RARB: variants seen among roughly 807,000 people sequenced by gnomAD.
The protein encoded by RARB is HBV-activated protein.
In RARB, 17 loss-of-function variants were observed where a neutral mutation model predicts 51.9. That is an observed-to-expected ratio of 0.33 (90% CI 0.22 to 0.49). The LOEUF (loss-of-function observed/expected upper bound fraction) is 0.49, where lower values mean the gene tolerates loss of function less well. Among genes scored for constraint, RARB ranks in the 20% least tolerant of loss-of-function variants. RARB has a pLI of 0.99. For missense variants in RARB, 369 were observed against 550.8 expected, an observed-to-expected ratio of 0.67 and a Z score of 3.30; for synonymous variants, 215 against 195.4, an observed-to-expected ratio of 1.10 and a Z score of -0.84.
At chr3:25,410,460 A>G (rs1291966224) in intron 5 of RARB, among the ~76,000 whole-genome samples, 1 of 152,216 alleles carries the variant, frequency 6.6e-6, no homozygotes, top group African/African-American at 2.4e-5. Flanking sequence ...TTTATGAAGA[A>G]TTATTTCATT....
At chr3:25,037,980 T>C (rs1698032648) in intron 2 of RARB, among the ~76,000 whole-genome samples, 1 of 152,206 alleles carries the variant, frequency 6.6e-6, no homozygotes, top group African/African-American at 2.4e-5. Flanking sequence ...CTAGCCATGA[T>C]AAGTAACAAC....
intron 2 of RARB, among the ~76,000 whole-genome samples, chr3:25,057,015 T>A (rs1698454943): frequency 6.6e-6 from 1 of 152,084 alleles, no homozygotes; most frequent in Non-Finnish European, 1.5e-5. Context: ...ATGGTGGCAC[T>A]CCCCAGTATG....
intron 2 of RARB, among the ~76,000 whole-genome samples, chr3:24,940,042 G>A (rs7614721): frequency 0.48 from 72,884 of 151,942 alleles, 18,204 homozygotes; most frequent in East Asian, 0.7. Flanking sequence ...TATGTAAATG[G>A]GCTCTGGGGA....
intron 5 of RARB, among the ~76,000 whole-genome samples, chr3:25,372,687 A>G (rs1373494903): frequency 2.0e-5 from 3 of 152,124 alleles, no homozygotes; most frequent in South Asian, 4.1e-4. Context: ...TTAGTCAGGC[A>G]TGGTGGCGCA....
At chr3:25,437,563 C>T (rs182759285) in intron 1 of RARB, among the ~76,000 whole-genome samples, 3 of 152,150 alleles carry the variant, frequency 2.0e-5, no homozygotes, top group Non-Finnish European at 2.9e-5. Flanking sequence ...TCACATAACC[C>T]CCTTATAACA....
intron 2 of RARB, among the ~76,000 whole-genome samples, chr3:24,898,678 T>G (rs537958729): frequency 2.1e-3 from 317 of 152,328 alleles, no homozygotes; most frequent in Non-Finnish European, 3.6e-3. Context: ...TTTCTTATTC[T>G]AATCAGCTCT....
At chr3:24,932,377 C>A (rs1463749784) in intron 2 of RARB, among the ~76,000 whole-genome samples, 1 of 152,104 alleles carries the variant, frequency 6.6e-6, no homozygotes, top group African/African-American at 2.4e-5. Context: ...GTCCCTTAGA[C>A]TTAGATGTTT....
At chr3:25,375,328 T>C (rs1237051115) in intron 5 of RARB, among the ~76,000 whole-genome samples, 1 of 152,206 alleles carries the variant, frequency 6.6e-6, no homozygotes, top group African/African-American at 2.4e-5. Flanking sequence ...ATCTGTTTTA[T>C]ATCTTGAGGA....
chr3:25,297,650 C>T (rs192789954), intron 5 of RARB, among the ~76,000 whole-genome samples: 1 of 151,950 alleles, frequency 6.6e-6, no homozygotes, highest in Non-Finnish European at 1.5e-5. Context: ...CCTTTATCAG[C>T]GTAATTATAG....
chr3:25,444,155 A>G (rs1338877050), intron 1 of RARB, among the ~76,000 whole-genome samples: 2 of 152,192 alleles, frequency 1.3e-5, no homozygotes, highest in Non-Finnish European at 2.9e-5. Context: ...CCTGAAGAGA[A>G]AGGCCCTGTT....
At chr3:25,008,008 T>C (rs1313435035) in intron 2 of RARB, among the ~76,000 whole-genome samples, 1 of 152,272 alleles carries the variant, frequency 6.6e-6, no homozygotes, top group East Asian at 1.9e-4. Context: ...AAAAGGTATG[T>C]GTAAGGTCTT....
At chr3:25,045,071 T>C (rs1415175091) in intron 2 of RARB, among the ~76,000 whole-genome samples, 1 of 152,220 alleles carries the variant, frequency 6.6e-6, no homozygotes, top group East Asian at 1.9e-4. Flanking sequence ...TTAGTTTGGT[T>C]ATTTCAGTGG....
intron 5 of RARB, among the ~76,000 whole-genome samples, chr3:25,264,110 GA>G (rs5847346): frequency 0.73 from 103,538 of 142,792 alleles, 35,708 homozygotes; most frequent in East Asian, 0.79. Flanking sequence ...GGGCATTGTT[GA>G]TTTTTTTTTT....
intron 5 of RARB, among the ~76,000 whole-genome samples, chr3:25,347,122 A>G (rs1435326990): frequency 6.6e-6 from 1 of 152,168 alleles, no homozygotes; most frequent in African/African-American, 2.4e-5. Flanking sequence ...GACACCATGG[A>G]TTTTCCCCCA....
rs142106654 is a variant in RARB, at chr3:25,477,470, T to C, written c.306+16129T>C. On this transcript the variant is annotated intron_variant, in intron 2 of 7. Coordinates refer to ENST00000330688, the MANE Select transcript of RARB (RefSeq NM_000965.5). Reference sequence around the variant, plus strand: ...TTGAACTGGTTTTGGGTTTCAAATATTGGTCTTTCCCTGTTTGTCATATAC... The same window carrying C: ...TTGAACTGGTTTTGGGTTTCAAATACTGGTCTTTCCCTGTTTGTCATATAC... Among the ~76,000 whole-genome samples the C allele has an allele frequency of 5.3e-5, 8 of 152,354 alleles. No individual in the cohort carries two copies. In the East Asian group the frequency reaches 1.5e-3, roughly 29 times the overall value.
At chr3:25,229,838 A>C (rs1047060026) in intron 5 of RARB, among the ~76,000 whole-genome samples, 5 of 152,126 alleles carry the variant, frequency 3.3e-5, no homozygotes, top group African/African-American at 1.2e-4. Flanking sequence ...AAAAGTAAAC[A>C]GTTGTGACAA....
chr3:25,407,685 C>T (rs912934663), intron 5 of RARB, among the ~76,000 whole-genome samples: 1 of 151,954 alleles, frequency 6.6e-6, no homozygotes, highest in Admixed American at 6.5e-5. Context: ...GAGTCCCATT[C>T]ATATCCTTTT....
chr3:25,439,115 T>C (rs1158145232), intron 1 of RARB, among the ~76,000 whole-genome samples: 1 of 152,202 alleles, frequency 6.6e-6, no homozygotes, highest in Non-Finnish European at 1.5e-5. Flanking sequence ...TGGTAACCCT[T>C]ATCTAAAGAT....
intron 3 of RARB, among the ~76,000 whole-genome samples, chr3:25,508,705 C>G (rs928392784): frequency 5.3e-5 from 8 of 152,098 alleles, no homozygotes; most frequent in African/African-American, 1.9e-4. Context: ...CCAGAAACTA[C>G]CATTAACCCC....
Sources: gnomAD v4.1 joint callset for allele counts (sites outside exome capture counted in the v4.1 genomes callset) on GRCh38, gnomAD v4.1.1 for gene constraint, MANE v1.5 for transcripts, NCBI Gene and HGNC (gene_info 2026-07-23, HGNC 2026-07-21) for gene names.